The following BTLA variants were observed in gnomAD, a reference collection of about 807,000 sequenced individuals.
The protein encoded by BTLA is B and T lymphocyte associated, also known as B- and T-lymphocyte attenuator.
A neutral mutation model predicts 25.0 loss-of-function variants in BTLA; 11 were observed. The ratio of observed to expected loss-of-function variants is 0.44; its 90% CI spans 0.28 to 0.73. BTLA has a LOEUF of 0.73. Among genes scored for constraint, BTLA ranks in the 30% least tolerant of loss-of-function variants. The pLI, the probability that BTLA is intolerant of heterozygous loss-of-function variation, is 0.15. For synonymous variants in BTLA, 104 were observed against 119.8 expected (o/e 0.87, Z 0.86); for missense variants, 282 against 332.8 (o/e 0.85, Z 1.19).
In BTLA at chr3:112,465,973, A is replaced by T; in HGVS notation, c.*135T>A. Reference sequence around the variant, plus strand: ...ATCATTTATCCTATGGACCCTTAAGACCCAAGCACTAACATGAACATTTCT... The same window carrying T: ...ATCATTTATCCTATGGACCCTTAAGTCCCAAGCACTAACATGAACATTTCT... On this transcript the variant is annotated 3_prime_UTR_variant, in exon 5 of 5. Transcript: ENST00000334529. The T allele has an allele frequency of 1.0e-6, 1 of 994,872 alleles. No individual in the cohort carries two copies. Among genetic ancestry groups the T allele is most frequent in the Non-Finnish European group, 1.4e-6 (1 of 691,478 alleles). 61.6% of individuals were successfully genotyped at this position (994,872 alleles called of 1,614,324 possible). A position where few individuals can be genotyped will look rare whatever the true frequency, so the allele number is the denominator to read the frequency against.
chr3:112,491,370 A>G (rs1209155875), intron 1 of BTLA, among the ~76,000 whole-genome samples: 1 of 152,216 alleles, frequency 6.6e-6, no homozygotes, highest in Non-Finnish European at 1.5e-5. Flanking sequence ...TAATATTTTC[A>G]AAGTTCTTAT....
At chr3:112,480,012 T>C (rs1346572520) in intron 1 of BTLA, among the ~76,000 whole-genome samples, 29 of 152,346 alleles carry the variant, frequency 1.9e-4, no homozygotes, top group East Asian at 1.7e-3. Context: ...TAAGCCATCA[T>C]ATACCCTGTG....
rs372213071 is a variant in BTLA at position 112,479,753 on chromosome 3, A to G, written c.105T>C (p.Asp35=). 44 of 1,595,160 alleles carry G rather than the reference A, an allele frequency of 2.8e-5. No individual in the cohort carries two copies. Among genetic ancestry groups the G allele is most frequent in the Non-Finnish European group, 1.5e-5 (18 of 1,170,562 alleles). ...ATTGTCTCTTTATATAAAGCTGTAC[A>G]TCACATGATTCTTTCCCTAAAAGAT... ...IWNIHGKESC[D]VQLYIKRQSE... is the part of the protein sequence containing the mutation. The change falls in exon 2 of 5, where the codon GAT becomes GAC. Residue 35 remains aspartate, a synonymous_variant. Coordinates refer to ENST00000334529, the MANE Select transcript of BTLA (RefSeq NM_181780.4).
intron 4 of BTLA, 25 bp from the exon 5 acceptor site, chr3:112,466,408 T>G: frequency 6.5e-7 from 1 of 1,537,168 alleles, no homozygotes; most frequent in Non-Finnish European, 8.8e-7. Flanking sequence ...AAGATGGTTT[T>G]AAGTGACACT....
chr3:112,499,118 G>A lies in BTLA; in HGVS notation c.88+153C>T, dbSNP rs73853436. Among the ~76,000 whole-genome samples the A allele has an allele frequency of 2.6e-3, 402 of 152,178 alleles. 2 individuals carry two copies. Among genetic ancestry groups the A allele is most frequent in the Middle Eastern group, 0.01 (3 of 294 alleles). On this transcript the variant is annotated intron_variant, in intron 1 of 4. Coordinates refer to ENST00000334529, the MANE Select transcript of BTLA (RefSeq NM_181780.4). ...TGTTCTAATTTGGTTTATGCTCTAC[G>A]ATGTCTTCGGTAAGCAAATGTAACA...
intron 1 of BTLA, among the ~76,000 whole-genome samples, chr3:112,482,154 T>C (rs1430415728): frequency 6.6e-6 from 1 of 152,216 alleles, no homozygotes; most frequent in African/African-American, 2.4e-5. Flanking sequence ...TTTAAATTAT[T>C]TTTTTCTCCA....
At chr3:112,486,502 G>C (rs1397186380) in intron 1 of BTLA, among the ~76,000 whole-genome samples, 1 of 151,898 alleles carries the variant, frequency 6.6e-6, no homozygotes, top group Non-Finnish European at 1.5e-5. Context: ...AAAATGCACA[G>C]GTATTTATTC....
chr3:112,487,583 G>A (rs1380444327), intron 1 of BTLA, among the ~76,000 whole-genome samples: 2 of 142,648 alleles, frequency 1.4e-5, no homozygotes, highest in Admixed American at 6.9e-5. Context: ...GAAAATCTGT[G>A]TCAAAAAAAA....
chr3:112,479,691 A>T lies in BTLA; in HGVS notation c.167T>A (p.Leu56Gln). 1 of 1,614,038 alleles carries T rather than the reference A, an allele frequency of 6.2e-7. No individual in the cohort carries two copies. ...AGCACAGTATTTCACAGGGCATTCT[A>T]GTTCAAAGGGATCTCCTGCTAAGAT... ...HSILAGDPFE[L>Q]ECPVKYCANR... Residue 56 changes from leucine (L) to glutamine (Q), a missense_variant, in exon 2 of 5, where the codon CTA becomes CAA. Physicochemically the swap from Leu to Gln is moderately radical, Grantham distance 113. Transcript: ENST00000334529.
chr3:112,497,773 T>A (rs772469257), intron 1 of BTLA, among the ~76,000 whole-genome samples: 1 of 152,164 alleles, frequency 6.6e-6, no homozygotes. Flanking sequence ...ACTACACAGT[T>A]TAAAATTATA....
chr3:112,492,729 T>C (rs1463428789), intron 1 of BTLA, among the ~76,000 whole-genome samples: 1 of 152,322 alleles, frequency 6.6e-6, no homozygotes, highest in Middle Eastern at 3.4e-3. Flanking sequence ...TCTCATCTTC[T>C]AATATTATAG....
At chr3:112,468,009 C>T (rs1382796078) in intron 4 of BTLA, among the ~76,000 whole-genome samples, 1 of 152,154 alleles carries the variant, frequency 6.6e-6, no homozygotes, top group Non-Finnish European at 1.5e-5. Flanking sequence ...TCTGCAGCAC[C>T]CCTGCTGTGG....
At chr3:112,471,546 C>G (rs1034742139) in intron 2 of BTLA, among the ~76,000 whole-genome samples, 191 bp from the exon 3 acceptor site, 1 of 152,190 alleles carries the variant, frequency 6.6e-6, no homozygotes, top group African/African-American at 2.4e-5. Flanking sequence ...GCAGACGTGG[C>G]TCTGCGATAA....
chr3:112,471,146 T>C, intron 3 of BTLA, 66 bp downstream of exon 3: 1 of 1,509,898 alleles, frequency 6.6e-7, no homozygotes, highest in Non-Finnish European at 9.0e-7. Context: ...TAAAAATCCT[T>C]TAGCCCCAGA....
At chr3:112,481,631 C>A (rs1282612355) in intron 1 of BTLA, among the ~76,000 whole-genome samples, 2 of 152,042 alleles carry the variant, frequency 1.3e-5, no homozygotes, top group African/African-American at 4.8e-5. Flanking sequence ...CTTTGAAATG[C>A]CTTCAGGGCC....
At chr3:112,466,857 G>A (rs2082230704) in intron 4 of BTLA, among the ~76,000 whole-genome samples, 1 of 152,056 alleles carries the variant, frequency 6.6e-6, no homozygotes, top group Non-Finnish European at 1.5e-5. Context: ...TATAATTTGA[G>A]ACCTTAAATT....
intron 2 of BTLA, among the ~76,000 whole-genome samples, chr3:112,476,892 C>G (rs1429050531): frequency 2.0e-5 from 3 of 152,140 alleles, no homozygotes; most frequent in Non-Finnish European, 2.9e-5. Flanking sequence ...CTTTCTGTCT[C>G]TATGGATTTG....
chr3:112,470,021 T>G, intron 3 of BTLA: 1 of 449,250 alleles, frequency 2.2e-6, no homozygotes, highest in South Asian at 3.0e-5. Context: ...CCCCATGGCA[T>G]ATCTAAAAGG....
chr3:112,479,318 C>T (rs1025457136), intron 2 of BTLA, 137 bp downstream of exon 2: 5 of 784,678 alleles, frequency 6.4e-6, no homozygotes, highest in Non-Finnish European at 6.2e-6. Context: ...TGGCACATAA[C>T]AATCTGTGAG....
Sources: allele counts gnomAD v4.1 joint callset (sites outside exome capture counted in the v4.1 genomes callset), GRCh38; gene constraint gnomAD v4.1.1; transcripts MANE v1.5; gene names NCBI Gene and HGNC (gene_info 2026-07-23, HGNC 2026-07-21).